The following PRSS1 variants were observed in gnomAD, a reference collection of about 807,000 sequenced individuals.
PRSS1 encodes serine protease 1, also known as TCR V beta 4.1.
A neutral mutation model predicts 24.2 loss-of-function variants in PRSS1; 22 were observed. The ratio of observed to expected loss-of-function variants is 0.91; its 90% CI spans 0.65 to 1.30. The LOEUF (loss-of-function observed/expected upper bound fraction) is 1.30. Ranked by LOEUF, PRSS1 falls within the 50% of genes most tolerant of loss-of-function variation. The probability of loss-of-function intolerance (pLI) is 0.00; values close to 1 mark genes in which losing one functional copy is unlikely to be tolerated. For synonymous variants in PRSS1, 126 were observed against 116.1 expected (o/e 1.08, Z -0.55); for missense variants, 366 against 304.2 (o/e 1.20, Z -1.51).
At chr7:142,751,553 CT>C in intron 2 of PRSS1, 1 of 769,012 alleles carries the variant, frequency 1.3e-6, no homozygotes, top group Non-Finnish European at 2.1e-6. Context: ...ATCCCTTTGA[CT>C]CTTCCCCACC....
chr7:142,750,362 C>A (rs139803274), intron 1 of PRSS1, among the ~76,000 whole-genome samples, 193 bp from the exon 2 acceptor site: 2 of 151,968 alleles, frequency 1.3e-5, no homozygotes, highest in Non-Finnish European at 2.9e-5. Context: ...GGGTACCTAG[C>A]TATGTGCCCT....
chr7:142,752,478 C>T lies in PRSS1; in HGVS notation c.502C>T (p.Gln168Ter). 1.2e-6 allele frequency: 2 copies of T among 1,614,168 alleles called. No homozygotes were observed. The highest frequency in any genetic ancestry group is 8.5e-7 in the Non-Finnish European group (1 of 1,180,006). ...LQCLDAPVLS[Q>*]AKCEASYPGK... ...GTGCCTGGATGCTCCTGTGCTGAGC[C>T]AGGCTAAGTGTGAAGCCTCCTACCC... Residue 168 changes from glutamine to a stop codon, truncating the protein, a stop_gained, in exon 4 of 5, where the codon CAG (glutamine) becomes TAG (stop). Transcript: ENST00000311737. LOFTEE classifies it high-confidence loss of function.
At chr7:142,750,456 T>C in intron 1 of PRSS1, 99 bp from the exon 2 acceptor site, 4 of 1,589,426 alleles carry the variant, frequency 2.5e-6, no homozygotes, top group Non-Finnish European at 2.6e-6. Context: ...CTCACTGTGC[T>C]TGTTAAGGAT....
intron 3 of PRSS1, 140 bp downstream of exon 3, chr7:142,752,167 C>A: frequency 7.2e-7 from 1 of 1,382,328 alleles, no homozygotes; most frequent in Non-Finnish European, 1.0e-6. Context: ...CTGCACTGGG[C>A]ACCAGAGAGA....
At chr7:142,751,665 C>G (rs534909439) in intron 2 of PRSS1, 109 bp from the exon 3 acceptor site, 5 of 1,605,644 alleles carry the variant, frequency 3.1e-6, no homozygotes, top group Middle Eastern at 1.7e-4. Flanking sequence ...CACCCCACCC[C>G]ATGCCTCCAG....
intron 1 of PRSS1, 21 bp downstream of exon 1, chr7:142,749,545 C>T: frequency 1.9e-6 from 3 of 1,613,828 alleles, no homozygotes; most frequent in East Asian, 2.2e-5. Context: ...TGCCCTGCCT[C>T]AGGCCCCAAC....
Position 142,752,994 on chromosome 7 carries a change from A to G in PRSS1, c.718A>G (p.Lys240Glu). Residue 240 changes from lysine to glutamate, a missense_variant, in exon 5 of 5, where the codon AAG (lysine) becomes GAG (glutamate). Physicochemically the swap from Lys to Glu is moderately conservative, Grantham distance 56. Coordinates refer to ENST00000311737, the MANE Select transcript of PRSS1 (RefSeq NM_002769.5). Reference sequence around the variant, plus strand: ...GGTCTACAACTATGTGAAATGGATTAAGAACACCATAGCTGCCAATAGCTA... The same window carrying G: ...GGTCTACAACTATGTGAAATGGATTGAGAACACCATAGCTGCCAATAGCTA... The part of the protein sequence containing the change: ...TKVYNYVKWI[K>E]NTIAANS 1 of 1,613,724 alleles carries G rather than the reference A, an allele frequency of 6.2e-7. No homozygotes were observed. The highest frequency in any genetic ancestry group is 8.5e-7 in the Non-Finnish European group (1 of 1,179,924).
chr7:142,751,977 C>A lies in PRSS1; in HGVS notation c.404C>A (p.Thr135Asn), dbSNP rs1224059005. The A allele has an allele frequency of 1.9e-6, 3 of 1,614,044 alleles. No individual in the cohort carries two copies. The highest frequency in any genetic ancestry group is 1.7e-5 in the Admixed American group (1 of 60,008). Reference protein sequence around the residue: ...TISLPTAPPATGTKCLISGWG... With the variant: ...TISLPTAPPANGTKCLISGWG... ...TCTCTGCCCACCGCCCCTCCAGCCA[C>A]TGGCACGAAGTGCCTCATCTCTGGC... The change falls in exon 3 of 5, where the codon ACT becomes AAT. Residue 135 changes from threonine to asparagine, a missense_variant. Physicochemically the swap from Thr to Asn is moderately conservative, Grantham distance 65 (BLOSUM62 0). Coordinates refer to ENST00000311737, the MANE Select transcript of PRSS1 (RefSeq NM_002769.5).
In PRSS1 at chr7:142,752,458, T is replaced by G. The variant is rs777441424; in HGVS notation, c.482T>G (p.Leu161Arg). Reference sequence around the variant, plus strand: ...GACTACCCAGACGAGCTGCAGTGCCTGGATGCTCCTGTGCTGAGCCAGGCT... The same window carrying G: ...GACTACCCAGACGAGCTGCAGTGCCGGGATGCTCCTGTGCTGAGCCAGGCT... ...GADYPDELQC[L>R]DAPVLSQAKC... Residue 161 changes from leucine (L) to arginine (R), a missense_variant, in exon 4 of 5, where the codon CTG (leucine) becomes CGG (arginine). Transcript: ENST00000311737. 4 of 1,614,162 alleles carry G rather than the reference T, an allele frequency of 2.5e-6. No individual in the cohort carries two copies. The highest frequency in any genetic ancestry group is 3.4e-6 in the Non-Finnish European group (4 of 1,179,994).
At chr7:142,751,627 C>T in intron 2 of PRSS1, 147 bp from the exon 3 acceptor site, 2 of 1,458,862 alleles carry the variant, frequency 1.4e-6, no homozygotes, top group Admixed American at 1.9e-5. Context: ...GACCCACATC[C>T]CTCTGCTGCC....
chr7:142,753,035 C>G lies in PRSS1; in HGVS notation c.*15C>G. 6.2e-7 allele frequency: 1 copy of G among 1,611,976 alleles called. No homozygotes were observed. Among genetic ancestry groups the G allele is most frequent in the Middle Eastern group, 1.7e-4 (1 of 6,056 alleles). ...CCAATAGCTAAAGCCCCCAGTATCTCTTCAGTCTCTATACCAATAAAGTGA... is the reference window on the plus strand; with the variant it reads ...CCAATAGCTAAAGCCCCCAGTATCTGTTCAGTCTCTATACCAATAAAGTGA... On this transcript the variant is annotated 3_prime_UTR_variant, in exon 5 of 5. Coordinates refer to ENST00000311737, the MANE Select transcript of PRSS1 (RefSeq NM_002769.5).
At position 142,751,767 on chromosome 7, in the gene PRSS1, C is replaced by A. The variant is rs777738104; in HGVS notation, c.201-7C>A. On this transcript the variant is annotated splice_polypyrimidine_tract_variant and splice_region_variant and intron_variant, in intron 2 of 4. Coordinates refer to ENST00000311737, the MANE Select transcript of PRSS1 (RefSeq NM_002769.5). ...AAGGTCTTCACCATGCCTGCCCTGCCCATCAGCCGCATCCAGGTGAGACTG... is the reference window on the plus strand; with the variant it reads ...AAGGTCTTCACCATGCCTGCCCTGCACATCAGCCGCATCCAGGTGAGACTG... 12 of 1,614,018 alleles carry A rather than the reference C, an allele frequency of 7.4e-6. No individual in the cohort carries two copies. The highest frequency in any genetic ancestry group is 9.3e-6 in the Non-Finnish European group (11 of 1,180,020).
In PRSS1 at chr7:142,752,045, T is replaced by G; in HGVS notation, c.454+18T>G. ...CTCTGGCGGTGAGTGGGACCCTTAG[T>G]CCTTCTACTTCCCTCCATCCTCACA... is the stretch of plus-strand genomic sequence containing the variant. On this transcript the variant is annotated intron_variant, in intron 3 of 4. Transcript: ENST00000311737. 1 of 1,614,002 alleles carries G rather than the reference T, an allele frequency of 6.2e-7. No individual in the cohort carries two copies.
rs1250182409 is a variant in PRSS1, at chr7:142,750,459, T to C, written c.41-96T>C. 2.5e-6 allele frequency: 4 copies of C among 1,586,740 alleles called. No homozygotes were observed. The East Asian group carries it at 9.0e-5, about 36-fold the overall frequency. On this transcript the variant is annotated intron_variant, in intron 1 of 4. Coordinates refer to ENST00000311737, the MANE Select transcript of PRSS1 (RefSeq NM_002769.5). ...CCCTTGCCTAGCCTCACTGTGCTTG[T>C]TAAGGATTTCTAATTAGCAGAAAGC... is the stretch of plus-strand genomic sequence containing the variant.
intron 1 of PRSS1, 116 bp from the exon 2 acceptor site, chr7:142,750,439 G>C: frequency 6.4e-7 from 1 of 1,566,984 alleles, no homozygotes; most frequent in South Asian, 1.1e-5. Context: ...TCCCTCCCTT[G>C]CCTAGCCTCA....
rs745420768 is a variant in PRSS1 at position 142,752,515 on chromosome 7, C to T, written c.539C>T (p.Thr180Ile). The change falls in exon 4 of 5, where the codon ACC (threonine) becomes ATC (isoleucine). Residue 180 changes from threonine (T) to isoleucine (I), a missense_variant. Physicochemically the swap from Thr to Ile is moderately conservative, Grantham distance 89 (BLOSUM62 -1). Coordinates refer to ENST00000311737, the MANE Select transcript of PRSS1 (RefSeq NM_002769.5). The stretch of plus-strand genomic sequence containing the variant: ...GAAGCCTCCTACCCTGGAAAGATTA[C>T]CAGCAACATGTTCTGTGTGGGCTTC... ...KCEASYPGKITSNMFCVGFLE... is the reference protein window; with the variant it reads ...KCEASYPGKIISNMFCVGFLE... 3 of 1,614,216 alleles carry T rather than the reference C, an allele frequency of 1.9e-6. No individual in the cohort carries two copies. Among genetic ancestry groups the T allele is most frequent in the African/African-American group, 1.3e-5 (1 of 75,078 alleles).
chr7:142,751,683 C>G, intron 2 of PRSS1, 91 bp from the exon 3 acceptor site: 2 of 1,612,380 alleles, frequency 1.2e-6, no homozygotes, highest in South Asian at 1.1e-5. Flanking sequence ...CAGAGCTGTC[C>G]ATGAGCAGAG....
rs1049839243 is a variant in PRSS1 at position 142,751,724 on chromosome 7, G to A, written c.201-50G>A. On this transcript the variant is annotated intron_variant, in intron 2 of 4. Coordinates refer to ENST00000311737, the MANE Select transcript of PRSS1 (RefSeq NM_002769.5). ...GAGGAACCTGGGGAAGGTGGGATAG[G>A]TGCCCTGGCTGTGGGAGAAGGTCTT... is the stretch of plus-strand genomic sequence containing the variant. The A allele has an allele frequency of 3.1e-6, 5 of 1,613,996 alleles. No homozygotes were observed. The African/African-American group carries it at 4.0e-5, about 13-fold the overall frequency.
intron 2 of PRSS1, 110 bp from the exon 3 acceptor site, chr7:142,751,664 C>T (rs1798743214): frequency 6.2e-7 from 1 of 1,604,610 alleles, no homozygotes; most frequent in Non-Finnish European, 8.5e-7. Flanking sequence ...ACACCCCACC[C>T]CATGCCTCCA....
Sources: gnomAD v4.1 joint callset for allele counts (sites outside exome capture counted in the v4.1 genomes callset) on GRCh38, gnomAD v4.1.1 for gene constraint, MANE v1.5 for transcripts, NCBI Gene and HGNC (gene_info 2026-07-23, HGNC 2026-07-21) for gene names.